MYO10: variants seen among roughly 807,000 people sequenced by gnomAD.
MYO10 encodes the protein unconventional myosin-X.
A neutral mutation model predicts 257.3 loss-of-function variants in MYO10; 133 were observed. The observed-to-expected ratio is 0.52, with a 90% confidence interval of 0.45 to 0.60. The LOEUF (loss-of-function observed/expected upper bound fraction) is 0.60, where lower values mean the gene tolerates loss of function less well. Ranked by LOEUF, MYO10 falls within the 20% of genes least tolerant of loss-of-function variation. The probability of loss-of-function intolerance (pLI) is 0.00; values close to 1 mark genes in which losing one functional copy is unlikely to be tolerated. For synonymous variants in MYO10, 1,104 were observed against 1,028.6 expected, an observed-to-expected ratio of 1.07 and a Z score of -1.40; for missense variants, 2,399 against 2,635.7, an observed-to-expected ratio of 0.91 and a Z score of 1.97.
Position 16,711,153 on chromosome 5 carries a change from C to T in MYO10, c.2022G>A (p.Ala674=), listed in dbSNP as rs368605358. ...AAAAGTCCTGAAAGGGTCTTCGGAC[C>T]GCATACCCAGCTTTGCGGATTCTCA... ...ETVRIRKAGY[A]VRRPFQDFYK... is the part of the protein sequence containing the mutation. The change falls in exon 20 of 41, where the codon GCG becomes GCA. Residue 674 remains alanine (A), a synonymous_variant. Transcript: ENST00000513610. 4.2e-5 allele frequency: 67 copies of T among 1,613,738 alleles called. No homozygotes were observed. The highest frequency in any genetic ancestry group is 2.7e-4 in the Admixed American group (16 of 59,980).
At chr5:16,860,037 A>G (rs374656689) in intron 2 of MYO10, among the ~76,000 whole-genome samples, 3 of 152,358 alleles carry the variant, frequency 2.0e-5, no homozygotes, top group Non-Finnish European at 2.9e-5. Context: ...GGGAAAGAAG[A>G]TATTTCAGGA....
At chr5:16,713,825 C>T (rs1372539443) in intron 19 of MYO10, among the ~76,000 whole-genome samples, 3 of 152,222 alleles carry the variant, frequency 2.0e-5, no homozygotes, top group African/African-American at 7.2e-5. Context: ...GGCATTTCGC[C>T]TTTCAAAACT....
intron 38 of MYO10, 59 bp from the exon 39 acceptor site, chr5:16,671,037 A>G: frequency 1.4e-6 from 2 of 1,439,306 alleles, no homozygotes; most frequent in Non-Finnish European, 1.9e-6. Flanking sequence ...TGGGATGCCC[A>G]CGTCGCTTGC....
intron 3 of MYO10, among the ~76,000 whole-genome samples, chr5:16,812,900 C>T (rs1742483490): frequency 6.6e-6 from 1 of 151,236 alleles, no homozygotes; most frequent in African/African-American, 2.4e-5. Flanking sequence ...AAGATCAACT[C>T]TAACTTGACT....
At chr5:16,903,471 A>T (rs1745441486) in intron 1 of MYO10, among the ~76,000 whole-genome samples, 1 of 152,210 alleles carries the variant, frequency 6.6e-6, no homozygotes, top group South Asian at 2.1e-4. Flanking sequence ...TGGAGCAGAT[A>T]AAGAACTTGC....
At chr5:16,926,945 T>C (rs1290292106) in intron 1 of MYO10, among the ~76,000 whole-genome samples, 5 of 152,238 alleles carry the variant, frequency 3.3e-5, no homozygotes, top group East Asian at 3.8e-4. Flanking sequence ...TCACTCATGT[T>C]TGATATTTTG....
intron 26 of MYO10, 35 bp from the exon 27 acceptor site, chr5:16,694,649 A>G (rs1453116532): frequency 6.2e-7 from 1 of 1,608,678 alleles, no homozygotes; most frequent in African/African-American, 1.3e-5. Flanking sequence ...GAGGGGTGAA[A>G]GAAAAGTCAG....
chr5:16,690,560 G>T (rs1241624385), intron 27 of MYO10, among the ~76,000 whole-genome samples: 1 of 152,138 alleles, frequency 6.6e-6, no homozygotes, highest in African/African-American at 2.4e-5. Flanking sequence ...CCCCTGCTCA[G>T]GACCCAGACA....
At chr5:16,859,915 C>T (rs1485624792) in intron 2 of MYO10, among the ~76,000 whole-genome samples, 2 of 152,100 alleles carry the variant, frequency 1.3e-5, no homozygotes, top group African/African-American at 4.8e-5. Context: ...CTCTCTCTCT[C>T]AAGATAGAAA....
At chr5:16,735,533 C>T (rs973960149) in intron 19 of MYO10, among the ~76,000 whole-genome samples, 2 of 151,910 alleles carry the variant, frequency 1.3e-5, no homozygotes, top group Non-Finnish European at 2.9e-5. Context: ...AGGGAGACCC[C>T]ATTTCCACCA....
chr5:16,736,070 C>A lies in MYO10; in HGVS notation c.1929+18758G>T, dbSNP rs74662819. Among the ~76,000 whole-genome samples, 597 of 152,272 alleles carry A rather than the reference C, an allele frequency of 3.9e-3. 4 individuals carry two copies. The highest frequency in any genetic ancestry group is 0.014 in the African/African-American group (573 of 41,542). ...CGCGACTACACATTTACCAAAACGA[C>A]CAGGACAAAGAACAAAAAAAGCCTT... On this transcript the variant is annotated intron_variant, in intron 19 of 40. Coordinates refer to ENST00000513610, the MANE Select transcript of MYO10 (RefSeq NM_012334.3).
At chr5:16,883,461 A>G (rs527948250) in intron 1 of MYO10, among the ~76,000 whole-genome samples, 35 of 152,318 alleles carry the variant, frequency 2.3e-4, no homozygotes, top group Non-Finnish European at 4.4e-4. Flanking sequence ...AGACTTGCCC[A>G]AGCTAATCTA....
chr5:16,751,057 T>C (rs2126640294), intron 19 of MYO10, among the ~76,000 whole-genome samples: 1 of 152,280 alleles, frequency 6.6e-6, no homozygotes, highest in African/African-American at 2.4e-5. Context: ...TCCTTGCTTC[T>C]GAATAATACA....
intron 17 of MYO10, among the ~76,000 whole-genome samples, chr5:16,760,295 C>CAAAAA: frequency 9.3e-6 from 1 of 107,298 alleles, no homozygotes; most frequent in Admixed American, 1.0e-4. Context: ...ACTAAAGATA[C>CAAAAA]AAAAAAAAAA....
At chr5:16,814,631 T>G (rs1405661210) in intron 3 of MYO10, 1 of 152,180 alleles carries the variant, frequency 6.6e-6, no homozygotes, top group Non-Finnish European at 1.5e-5. Flanking sequence ...GGTGGCGGTC[T>G]TGTCTCGATG....
At chr5:16,796,163 T>G (rs1163450219) in intron 3 of MYO10, among the ~76,000 whole-genome samples, 3 of 126,362 alleles carry the variant, frequency 2.4e-5, no homozygotes, top group Admixed American at 9.7e-5. Flanking sequence ...CACTCCAACC[T>G]GGGCGACAGA....
intron 25 of MYO10, among the ~76,000 whole-genome samples, chr5:16,700,129 T>C (rs1185618865): frequency 6.6e-6 from 1 of 152,064 alleles, no homozygotes; most frequent in African/African-American, 2.4e-5. Flanking sequence ...TACAGATAAA[T>C]CCAGAAACTG....
chr5:16,863,125 C>G (rs1744152244), intron 2 of MYO10, among the ~76,000 whole-genome samples: 1 of 152,206 alleles, frequency 6.6e-6, no homozygotes, highest in African/African-American at 2.4e-5. Flanking sequence ...AGAAAATCAA[C>G]AAATGGACCC....
At chr5:16,810,562 G>A (rs1742405229) in intron 3 of MYO10, among the ~76,000 whole-genome samples, 1 of 152,186 alleles carries the variant, frequency 6.6e-6, no homozygotes, top group South Asian at 2.1e-4. Flanking sequence ...GGGAGGTCAA[G>A]GTGGGAGGAT....
Sources: allele counts gnomAD v4.1 joint callset (sites outside exome capture counted in the v4.1 genomes callset), GRCh38; gene constraint gnomAD v4.1.1; transcripts MANE v1.5; gene names NCBI Gene and HGNC (gene_info 2026-07-23, HGNC 2026-07-21).